The following C18orf63 variants were observed in gnomAD, a reference collection of about 807,000 sequenced individuals.
The protein encoded by C18orf63 is uncharacterized protein C18orf63.
A neutral mutation model predicts 75.3 loss-of-function variants in C18orf63; 50 were observed. That is an observed-to-expected ratio of 0.66 (90% CI 0.53 to 0.84). C18orf63 has a LOEUF of 0.84. Among genes scored for constraint, C18orf63 ranks in the 40% least tolerant of loss-of-function variants. The pLI is 0.00. For missense variants in C18orf63, 732 were observed against 800.2 expected, an observed-to-expected ratio of 0.91 and a Z score of 1.03; for synonymous variants, 232 against 267.6, an observed-to-expected ratio of 0.87 and a Z score of 1.30.
chr18:74,329,391 A>AAAAAAAC (rs1568236172), intron 6 of C18orf63, among the ~76,000 whole-genome samples: 1 of 148,682 alleles, frequency 6.7e-6, no homozygotes. Context: ...AAAAAAAAAA[A>AAAAAAAC]AAAAACCAGT....
At chr18:74,339,511 T>C (rs1984444994) in intron 8 of C18orf63, among the ~76,000 whole-genome samples, 1 of 152,184 alleles carries the variant, frequency 6.6e-6, no homozygotes, top group South Asian at 2.1e-4. Context: ...AAAGGCCATA[T>C]ATGACAAACC....
chr18:74,344,468 A>T (rs1386250503), intron 11 of C18orf63, among the ~76,000 whole-genome samples: 2 of 148,468 alleles, frequency 1.3e-5, no homozygotes, highest in African/African-American at 5.3e-5. Context: ...CCATGTAACT[A>T]TCACACAGAT....
chr18:74,357,903 T>C lies in C18orf63; in HGVS notation c.*1456T>C, dbSNP rs534250908. 1 of 152,190 alleles carries C rather than the reference T, an allele frequency of 6.6e-6. No individual in the cohort carries two copies. Among genetic ancestry groups the C allele is most frequent in the Non-Finnish European group, 1.5e-5 (1 of 68,028 alleles). The allele number at this position is 152,190 out of a possible 1,614,324, so 9.4% of individuals were successfully genotyped here. A position where few individuals can be genotyped will look rare whatever the true frequency, so the allele number is the denominator to read the frequency against. ...ATTATAGATATCTAGTAGACTGTTA[T>C]AAAGAGTGGTATGTCATTTTGTTTA... On this transcript the variant is annotated 3_prime_UTR_variant, in exon 14 of 14. Transcript: ENST00000579455.
intron 8 of C18orf63, among the ~76,000 whole-genome samples, chr18:74,339,059 CA>C (rs1461052378): frequency 6.6e-6 from 1 of 151,116 alleles, no homozygotes; most frequent in African/African-American, 2.4e-5. Context: ...GATCTAGTTT[CA>C]AAAAAGGTAA....
At position 74,353,848 on chromosome 18, in the gene C18orf63, T is replaced by G; in HGVS notation, c.1581T>G (p.Ser527=). Residue 527 remains serine, a synonymous_variant, in exon 12 of 14, where the codon TCT becomes TCG. Transcript: ENST00000579455. ...CTGAAAATATGACAAAATTTCCCTC[T>G]TCTCGTGGAAAATCGACTGTGAGTT... ...ESSENMTKFP[S]SRGKSTVSLN... The G allele has an allele frequency of 6.5e-7, 1 of 1,536,048 alleles. No individual in the cohort carries two copies. Among genetic ancestry groups the G allele is most frequent in the South Asian group, 1.2e-5 (1 of 84,060 alleles).
rs1370936238 is a variant in C18orf63 at position 74,358,126 on chromosome 18, C to G, written c.*1679C>G. ...TTACACTGAGCAAAATAATGAAAAC[C>G]ATACATCCACTGCTGAAGTGGTATT... On this transcript the variant is annotated 3_prime_UTR_variant, in exon 14 of 14. Coordinates refer to ENST00000579455, the MANE Select transcript of C18orf63 (RefSeq NM_001174123.2). The G allele has an allele frequency of 2.0e-5, 3 of 152,070 alleles. No individual in the cohort carries two copies. The highest frequency in any genetic ancestry group is 1.9e-4 in the East Asian group (1 of 5,184). The allele number at this position is 152,070 out of a possible 1,614,324, so 9.4% of individuals were successfully genotyped here. A position where few individuals can be genotyped will look rare whatever the true frequency, so the allele number is the denominator to read the frequency against.
chr18:74,341,814 TCATA>T (rs1372622843), intron 8 of C18orf63, among the ~76,000 whole-genome samples: 4 of 152,142 alleles, frequency 2.6e-5, no homozygotes, highest in Non-Finnish European at 4.4e-5. Context: ...TTGAAATATG[TCATA>T]CATGATAAAT....
chr18:74,347,672 T>A (rs1243013542), intron 11 of C18orf63, among the ~76,000 whole-genome samples: 2 of 152,156 alleles, frequency 1.3e-5, no homozygotes, highest in Non-Finnish European at 2.9e-5. Context: ...CATATACATG[T>A]TAACTCTAAG....
At chr18:74,317,808 C>T (rs1257807458) in intron 1 of C18orf63, 26 bp from the exon 2 acceptor site, 3 of 1,398,608 alleles carry the variant, frequency 2.1e-6, no homozygotes, top group East Asian at 5.1e-5. Flanking sequence ...TAATTTACTA[C>T]CTTTTTTTGC....
intron 7 of C18orf63, among the ~76,000 whole-genome samples, chr18:74,331,158 C>T (rs930645038): frequency 1.3e-5 from 2 of 152,034 alleles, no homozygotes; most frequent in Admixed American, 6.5e-5. Context: ...TAACACAGGT[C>T]TTCATATTAT....
intron 13 of C18orf63, among the ~76,000 whole-genome samples, chr18:74,355,445 C>A (rs1984747575): frequency 6.6e-6 from 1 of 151,756 alleles, no homozygotes; most frequent in Admixed American, 6.6e-5. Context: ...AAATATAGCA[C>A]TTTCCCACTT....
chr18:74,319,017 C>T (rs1162508758), intron 2 of C18orf63, among the ~76,000 whole-genome samples: 1 of 152,146 alleles, frequency 6.6e-6, no homozygotes, highest in African/African-American at 2.4e-5. Context: ...TCATTTTCGT[C>T]TTATTTACAA....
At chr18:74,349,040 G>A (rs77269191) in intron 11 of C18orf63, among the ~76,000 whole-genome samples, 15,259 of 152,078 alleles carry the variant, frequency 0.1, 1,042 homozygotes, top group Admixed American at 0.16. Flanking sequence ...TTTTATGTTC[G>A]AATACAAATA....
At position 74,354,085 on chromosome 18, in the gene C18orf63, A is replaced by G. The variant is rs1441703114; in HGVS notation, c.1818A>G (p.Pro606=). The G allele has an allele frequency of 2.0e-6, 3 of 1,536,208 alleles. No homozygotes were observed. In the South Asian group the frequency reaches 3.6e-5, roughly 18 times the overall value. ...IFESDGETED[P]RLLQQQSENQ... The stretch of plus-strand genomic sequence containing the variant: ...AATCAGATGGAGAAACCGAAGATCC[A>G]CGACTGCTACAGCAGCAATCAGAAA... Residue 606 remains proline (P), a synonymous_variant, in exon 12 of 14, where the codon CCA becomes CCG. Coordinates refer to ENST00000579455, the MANE Select transcript of C18orf63 (RefSeq NM_001174123.2).
intron 10 of C18orf63, 59 bp from the exon 11 acceptor site, chr18:74,343,460 C>A: frequency 3.6e-6 from 4 of 1,101,752 alleles, no homozygotes; most frequent in Non-Finnish European, 5.0e-6. Context: ...TTTAAAATCC[C>A]TTATAAATTT....
At chr18:74,320,302 G>A (rs1984097592) in intron 2 of C18orf63, among the ~76,000 whole-genome samples, 1 of 152,126 alleles carries the variant, frequency 6.6e-6, no homozygotes, top group Non-Finnish European at 1.5e-5. Context: ...AGAGAGAGAG[G>A]TGGGGGGAGG....
At chr18:74,354,630 A>G in intron 13 of C18orf63, 84 bp downstream of exon 13, 1 of 621,998 alleles carries the variant, frequency 1.6e-6, no homozygotes, top group Non-Finnish European at 2.8e-6. Flanking sequence ...CCTCTTGGTA[A>G]AAAGCAGCTA....
At position 74,357,806 on chromosome 18, in the gene C18orf63, T is replaced by A. The variant is rs928340939; in HGVS notation, c.*1359T>A. 5 of 152,244 alleles carry A rather than the reference T, an allele frequency of 3.3e-5. No homozygotes were observed. The highest frequency in any genetic ancestry group is 7.3e-5 in the Non-Finnish European group (5 of 68,036). 9.4% of individuals were successfully genotyped at this position (152,244 alleles called of 1,614,324 possible). On this transcript the variant is annotated 3_prime_UTR_variant, in exon 14 of 14. Transcript: ENST00000579455. ...AATTATCTCTATTTCCCAATTATTT[T>A]ACCATTTTCATAAGGATAAGCATTT...
intron 8 of C18orf63, among the ~76,000 whole-genome samples, chr18:74,339,875 T>G (rs574425774): frequency 6.6e-6 from 1 of 152,164 alleles, no homozygotes; most frequent in African/African-American, 2.4e-5. Context: ...TCAATGAAAA[T>G]AATTTTGTCT....
Sources: gnomAD v4.1 joint callset for allele counts (sites outside exome capture counted in the v4.1 genomes callset) on GRCh38, gnomAD v4.1.1 for gene constraint, MANE v1.5 for transcripts, NCBI Gene and HGNC (gene_info 2026-07-23, HGNC 2026-07-21) for gene names.